The following NCAM1 variants were observed in gnomAD, a reference collection of about 807,000 sequenced individuals.
NCAM1 encodes the protein neural cell adhesion molecule 1.
Under a neutral mutation model 109.8 loss-of-function variants are expected in NCAM1, and 14 were observed. That is an observed-to-expected ratio of 0.13 (90% confidence interval 0.08 to 0.20). The LOEUF (loss-of-function observed/expected upper bound fraction) is 0.20, where lower values mean the gene tolerates loss of function less well. NCAM1 is among the 10% of genes least tolerant of loss of function. The pLI, the probability that NCAM1 is intolerant of heterozygous loss-of-function variation, is 1.00. For synonymous variants in NCAM1, 418 were observed against 442.9 expected (o/e 0.94, Z 0.70); for missense variants, 774 against 1,109.9 (o/e 0.70, Z 4.30).
At chr11:113,262,027 C>G (rs912651662) in intron 17 of NCAM1, among the ~76,000 whole-genome samples, 1 of 152,102 alleles carries the variant, frequency 6.6e-6, no homozygotes, top group African/African-American at 2.4e-5. Flanking sequence ...TCACCGGTGA[C>G]GGCTCTGTGG....
chr11:113,122,513 G>T (rs1427183848), intron 1 of NCAM1, among the ~76,000 whole-genome samples: 1 of 152,190 alleles, frequency 6.6e-6, no homozygotes, highest in Non-Finnish European at 1.5e-5. Context: ...GCCGGGCATG[G>T]TGGCTCATGC....
chr11:113,275,478 GCACACACACAAACACACATGCACA>G lies in NCAM1; in HGVS notation c.*100_*123del, dbSNP rs1946384824. On this transcript the variant is annotated 3_prime_UTR_variant, in exon 20 of 20. Transcript: ENST00000316851. ...CAACACCACAGACACACACACGCAC[GCACACACACAAACACACATGCACA>G]CACACACATCTCATTTCTCTAGTGT... is the stretch of plus-strand genomic sequence containing the variant. 6.9e-6 allele frequency: 10 copies of G among 1,448,520 alleles called. No individual in the cohort carries two copies. Among genetic ancestry groups the G allele is most frequent in the East Asian group, 2.5e-5 (1 of 40,318 alleles). The allele number at this position is 1,448,520 out of a possible 1,614,324, so 89.7% of individuals were successfully genotyped here.
At chr11:113,036,468 T>G (rs1222317154) in intron 1 of NCAM1, among the ~76,000 whole-genome samples, 1 of 151,650 alleles carries the variant, frequency 6.6e-6, no homozygotes, top group African/African-American at 2.4e-5. Context: ...AGCCACTGCT[T>G]CCCCCTGCCT....
intron 1 of NCAM1, among the ~76,000 whole-genome samples, chr11:113,177,956 C>T (rs1943219968): frequency 6.6e-6 from 1 of 152,084 alleles, no homozygotes; most frequent in South Asian, 2.1e-4. Flanking sequence ...AAGAGGGATT[C>T]ACTAGAGGAG....
intron 1 of NCAM1, among the ~76,000 whole-genome samples, chr11:113,127,122 G>A (rs183708647): frequency 7.6e-4 from 115 of 152,270 alleles, no homozygotes; most frequent in Non-Finnish European, 1.0e-3. Flanking sequence ...TTATGTATTA[G>A]AATTGTGATT....
Position 113,107,248 on chromosome 11 carries a change from G to A in NCAM1, c.53-95131G>A, listed in dbSNP as rs149182018. ...TCTACCTCTTCCTAGCTGTGTGCTT[G>A]TAGGCAAGACACTTAACATCTCTGT... On this transcript the variant is annotated intron_variant, in intron 1 of 19. Transcript: ENST00000316851. 6.6e-5 allele frequency among the ~76,000 whole-genome samples: 10 copies of A among 152,236 alleles called. No individual in the cohort carries two copies. The East Asian group carries it at 1.5e-3, about 24-fold the overall frequency.
intron 1 of NCAM1, among the ~76,000 whole-genome samples, chr11:113,104,202 T>TTGGGGGGGGGG (rs1940025809): frequency 3.9e-4 from 1 of 2,552 alleles, no homozygotes; most frequent in African/African-American, 1.5e-3. Flanking sequence ...GAAGAGGAGG[T>TTGGGGGGGGGG]GGGGTGGGGG....
intron 8 of NCAM1, among the ~76,000 whole-genome samples, chr11:113,215,838 T>C (rs1944511526): frequency 6.6e-6 from 1 of 152,220 alleles, no homozygotes; most frequent in Middle Eastern, 3.2e-3. Context: ...TTAGCTAAGA[T>C]TTCAGCCCCA....
Position 112,962,013 on chromosome 11 carries a change from G to C in NCAM1, c.52+349G>C, listed in dbSNP as rs1187139593. On this transcript the variant is annotated intron_variant, in intron 1 of 19. Transcript: ENST00000316851. This position sits in a 1 kb window ranked among gnomAD's most constrained non-coding sequence, Gnocchi z 5.6. ...CAGCGCTCCTTCCCCAAAGGCGGGC[G>C]GCGGGGCGGGGGAGGTCGCGGCTCG... is the stretch of plus-strand genomic sequence containing the variant. 6.6e-6 allele frequency among the ~76,000 whole-genome samples: 1 copy of C among 152,216 alleles called. No homozygotes were observed. The highest frequency in any genetic ancestry group is 2.4e-5 in the African/African-American group (1 of 41,464).
intron 1 of NCAM1, among the ~76,000 whole-genome samples, chr11:113,035,037 G>A (rs919220901): frequency 5.9e-5 from 9 of 152,086 alleles, no homozygotes; most frequent in Non-Finnish European, 7.4e-5. Flanking sequence ...TACCTGGGGC[G>A]GTTAGACTTT....
chr11:113,053,469 TTGA>T, intron 1 of NCAM1, among the ~76,000 whole-genome samples: 1 of 152,316 alleles, frequency 6.6e-6, no homozygotes, highest in East Asian at 1.9e-4. Context: ...TTCTAGATCT[TTGA>T]AGAATCACCA....
At chr11:113,083,135 GTC>G (rs1276483536) in intron 1 of NCAM1, among the ~76,000 whole-genome samples, 1 of 151,768 alleles carries the variant, frequency 6.6e-6, no homozygotes, top group African/African-American at 2.4e-5. Context: ...AGTTTAACAA[GTC>G]TCTGCTCCTG....
chr11:113,040,767 G>A (rs1348506114), intron 1 of NCAM1, among the ~76,000 whole-genome samples: 2 of 152,068 alleles, frequency 1.3e-5, no homozygotes, highest in Non-Finnish European at 2.9e-5. Flanking sequence ...TTTAAGTGTT[G>A]TTTGTTGGTT....
chr11:113,069,952 T>C lies in NCAM1; in HGVS notation c.52+108288T>C, dbSNP rs139709072. 1.0e-3 allele frequency among the ~76,000 whole-genome samples: 155 copies of C among 151,910 alleles called. 1 individual carries two copies. The highest frequency in any genetic ancestry group is 3.4e-3 in the Middle Eastern group (1 of 294). On this transcript the variant is annotated intron_variant, in intron 1 of 19. Coordinates refer to ENST00000316851, the MANE Select transcript of NCAM1 (RefSeq NM_181351.5). ...CAGTGAGTTGGAAGTACCTGTGAGG[T>C]AGTCAGGAGGATTTGTCCAGCAAAA...
At chr11:113,144,100 C>T (rs1941929313) in intron 1 of NCAM1, among the ~76,000 whole-genome samples, 1 of 152,142 alleles carries the variant, frequency 6.6e-6, no homozygotes, top group South Asian at 2.1e-4. Context: ...GGTCAAATGA[C>T]CTTGGCTCAG....
intron 1 of NCAM1, among the ~76,000 whole-genome samples, chr11:113,038,335 C>T (rs1952958692): frequency 6.6e-6 from 1 of 152,202 alleles, no homozygotes; most frequent in Non-Finnish European, 1.5e-5. Context: ...TCATCATCTT[C>T]CTCTCATGCC....
At chr11:113,089,539 A>G (rs1939245684) in intron 1 of NCAM1, among the ~76,000 whole-genome samples, 1 of 152,076 alleles carries the variant, frequency 6.6e-6, no homozygotes, top group Non-Finnish European at 1.5e-5. Flanking sequence ...CAAGGGATCC[A>G]CCCACCTCCA....
intron 9 of NCAM1, among the ~76,000 whole-genome samples, chr11:113,227,146 G>GT (rs572898106): frequency 0.013 from 2,004 of 151,490 alleles, 31 homozygotes; most frequent in African/African-American, 0.039. Flanking sequence ...CCAGGAGCTG[G>GT]TTTTTTTTAA....
At chr11:113,084,590 G>A (rs1408455992) in intron 1 of NCAM1, among the ~76,000 whole-genome samples, 1 of 152,142 alleles carries the variant, frequency 6.6e-6, no homozygotes, top group African/African-American at 2.4e-5. Flanking sequence ...CCGTGGATGG[G>A]TTCTTATGTA....
Sources: allele counts gnomAD v4.1 joint callset (sites outside exome capture counted in the v4.1 genomes callset), GRCh38; gene constraint gnomAD v4.1.1; non-coding constraint Gnocchi (gnomAD v3.1); transcripts MANE v1.5; gene names NCBI Gene and HGNC (gene_info 2026-07-23, HGNC 2026-07-21).